KLF12: variants seen among roughly 807,000 people sequenced by gnomAD.
KLF12 encodes the protein Krueppel-like factor 12.
KLF12 carries 9 observed loss-of-function variants against 37.8 expected under a neutral mutation model. The observed-to-expected ratio is 0.24, with a 90% CI of 0.14 to 0.42. The LOEUF is 0.42. Ranked by LOEUF, KLF12 falls within the 10% of genes least tolerant of loss-of-function variation. The pLI, the probability that KLF12 is intolerant of heterozygous loss-of-function variation, is 1.00. For synonymous variants in KLF12, 208 were observed against 202.1 expected (o/e 1.03, Z -0.25); for missense variants, 411 against 516.0 (o/e 0.80, Z 1.97).
chr13:74,192,840 G>A, the KLF12 span, among the ~76,000 whole-genome samples: 1 of 152,114 alleles, frequency 6.6e-6, no homozygotes, highest in Non-Finnish European at 1.5e-5. Flanking sequence ...GAATTATGCT[G>A]GCTTAGTGTT....
At chr13:74,245,318 TATCTATC>T in the KLF12 span, among the ~76,000 whole-genome samples, 1 of 151,320 alleles carries the variant, frequency 6.6e-6, no homozygotes, top group Non-Finnish European at 1.5e-5. Context: ...TCTATCTATC[TATCTATC>T]TATCTATCTA....
Position 73,888,659 on chromosome 13 carries a change from T to C in KLF12, c.124-42286A>G, listed in dbSNP as rs562837925. ...GAAAAAGATATATGCACATATCTTA[T>C]TGGGACTGTCACAAAAGAAACAACA... On this transcript the variant is annotated intron_variant, in intron 3 of 7. Transcript: ENST00000377669. Among the ~76,000 whole-genome samples, 65 of 152,342 alleles carry C rather than the reference T, an allele frequency of 4.3e-4. 1 individual carries two copies. Among genetic ancestry groups the C allele is most frequent in the Non-Finnish European group, 7.1e-4 (48 of 68,032 alleles).
chr13:74,163,617 G>T, the KLF12 span, among the ~76,000 whole-genome samples: 1 of 151,890 alleles, frequency 6.6e-6, no homozygotes, highest in Non-Finnish European at 1.5e-5. Context: ...ATGGTTAATG[G>T]GTACAAAAAA....
At chr13:73,964,540 C>T (rs975231750) in intron 2 of KLF12, among the ~76,000 whole-genome samples, 10 of 147,648 alleles carry the variant, frequency 6.8e-5, no homozygotes, top group Admixed American at 6.8e-5. Flanking sequence ...GAGGCCAAGG[C>T]GGGTGGATCA....
intron 3 of KLF12, among the ~76,000 whole-genome samples, chr13:73,881,612 C>T (rs1465391190): frequency 2.0e-5 from 3 of 152,074 alleles, no homozygotes; most frequent in African/African-American, 4.8e-5. Context: ...TGCTTTCACT[C>T]TCATTTTGCA....
intron 3 of KLF12, among the ~76,000 whole-genome samples, chr13:73,938,729 C>T (rs954049678): frequency 3.3e-5 from 5 of 152,200 alleles, no homozygotes; most frequent in Non-Finnish European, 7.3e-5. Flanking sequence ...CTAAGAGTTA[C>T]TGCAAGCTGC....
intron 6 of KLF12, among the ~76,000 whole-genome samples, chr13:73,760,815 G>A (rs575934996): frequency 6.6e-6 from 1 of 152,210 alleles, no homozygotes; most frequent in African/African-American, 2.4e-5. Context: ...CTTAAAAATG[G>A]AGCAGGATAG....
At chr13:74,240,790 T>A in the KLF12 span, among the ~76,000 whole-genome samples, 1 of 140,374 alleles carries the variant, frequency 7.1e-6, no homozygotes, top group Admixed American at 7.3e-5. Context: ...GGTTTTCAGC[T>A]CCATCAGCTT....
intron 1 of KLF12, among the ~76,000 whole-genome samples, chr13:74,031,278 G>A (rs1324076203): frequency 6.6e-6 from 1 of 152,064 alleles, no homozygotes; most frequent in African/African-American, 2.4e-5. Flanking sequence ...TGATTGGATG[G>A]CTTCATAAAT....
the KLF12 span, among the ~76,000 whole-genome samples, chr13:74,251,777 A>G: frequency 1.3e-5 from 2 of 152,180 alleles, no homozygotes; most frequent in Non-Finnish European, 2.9e-5. Context: ...CAGTTAGACA[A>G]GTTGGCTGTG....
In KLF12 at chr13:73,715,316, C is replaced by T. The variant is rs1302842571; in HGVS notation, c.1027+52G>A. On this transcript the variant is annotated intron_variant, in intron 7 of 7. Coordinates refer to ENST00000377669, the MANE Select transcript of KLF12 (RefSeq NM_007249.5). Reference sequence around the variant, plus strand: ...AAAGGCTCCCGAGGTAAGTGGCCGGCGCTTTATGGACTCTCACTGGCTCAC... The same window carrying T: ...AAAGGCTCCCGAGGTAAGTGGCCGGTGCTTTATGGACTCTCACTGGCTCAC... The T allele has an allele frequency of 7.9e-5, 122 of 1,550,588 alleles. No homozygotes were observed. In the South Asian group the frequency reaches 1.2e-3, roughly 15 times the overall value.
the KLF12 span, among the ~76,000 whole-genome samples, chr13:74,233,491 G>C: frequency 6.6e-6 from 1 of 152,170 alleles, no homozygotes; most frequent in Admixed American, 6.5e-5. Context: ...TCTTCCAGAA[G>C]CATATTCACC....
At chr13:73,873,930 CA>C (rs199513640) in intron 3 of KLF12, among the ~76,000 whole-genome samples, 6 of 149,886 alleles carry the variant, frequency 4.0e-5, no homozygotes, top group Admixed American at 2.0e-4. Flanking sequence ...TGGCACTACT[CA>C]AAAAAAAACA....
At chr13:74,165,363 C>T in the KLF12 span, among the ~76,000 whole-genome samples, 1 of 141,452 alleles carries the variant, frequency 7.1e-6, no homozygotes, top group Non-Finnish European at 1.5e-5. Flanking sequence ...TGCAGTAGCG[C>T]AATCTTGACT....
intron 1 of KLF12, among the ~76,000 whole-genome samples, chr13:74,081,487 T>C (rs1241654908): frequency 6.6e-6 from 1 of 152,206 alleles, no homozygotes; most frequent in Non-Finnish European, 1.5e-5. Context: ...CTTAATAGTA[T>C]TACATTTTTT....
At chr13:74,020,645 C>T (rs973308105) in intron 1 of KLF12, among the ~76,000 whole-genome samples, 1 of 152,016 alleles carries the variant, frequency 6.6e-6, no homozygotes, top group East Asian at 1.9e-4. Context: ...AATCCCAGCA[C>T]TTTGGGAGGC....
chr13:73,858,065 T>G (rs1885699261), intron 3 of KLF12, among the ~76,000 whole-genome samples: 1 of 152,238 alleles, frequency 6.6e-6, no homozygotes, highest in South Asian at 2.1e-4. Context: ...TAAGTGAATT[T>G]GTGGGTGAAC....
chr13:74,235,456 T>C, the KLF12 span, among the ~76,000 whole-genome samples: 4 of 152,328 alleles, frequency 2.6e-5, no homozygotes, highest in South Asian at 8.3e-4. Flanking sequence ...ATGAAGTGAT[T>C]GAATATCTCA....
the KLF12 span, among the ~76,000 whole-genome samples, chr13:74,150,428 C>G: frequency 1.2e-4 from 18 of 152,194 alleles, no homozygotes; most frequent in African/African-American, 3.4e-4. Context: ...GCCTTTCATT[C>G]ACAAATGTGA....
Sources: allele counts gnomAD v4.1 joint callset (sites outside exome capture counted in the v4.1 genomes callset), GRCh38; gene constraint gnomAD v4.1.1; transcripts MANE v1.5; gene names NCBI Gene and HGNC (gene_info 2026-07-23, HGNC 2026-07-21).